FMN2: variants seen among roughly 807,000 people sequenced by gnomAD.
FMN2 encodes the protein formin-2.
FMN2 carries 51 observed loss-of-function variants against 142.3 expected under a neutral mutation model. The ratio of observed to expected loss-of-function variants is 0.36; its 90% CI spans 0.29 to 0.45. The LOEUF is 0.45. Among genes scored for constraint, FMN2 ranks in the 20% least tolerant of loss-of-function variants. The pLI is 1.00. For missense variants in FMN2, 1,936 were observed against 2,122.8 expected, an observed-to-expected ratio of 0.91 and a Z score of 1.73; for synonymous variants, 882 against 869.8, an observed-to-expected ratio of 1.01 and a Z score of -0.25.
intron 1 of FMN2, among the ~76,000 whole-genome samples, chr1:240,112,596 T>C (rs887680651): frequency 6.6e-6 from 1 of 152,214 alleles, no homozygotes; most frequent in African/African-American, 2.4e-5. Context: ...GAGTTATAAA[T>C]TTCTCAGAAA....
intron 15 of FMN2, among the ~76,000 whole-genome samples, chr1:240,398,572 T>C (rs1673869208): frequency 6.6e-6 from 1 of 152,142 alleles, no homozygotes. Context: ...ATAAGAATAA[T>C]GAATCATATG....
At chr1:240,437,210 G>A (rs547790171) in intron 15 of FMN2, among the ~76,000 whole-genome samples, 6 of 151,710 alleles carry the variant, frequency 4.0e-5, no homozygotes, top group Non-Finnish European at 8.8e-5. Context: ...GCAATCTACC[G>A]TCAAAGTCCT....
At chr1:240,302,607 A>G (rs1670236694) in intron 8 of FMN2, among the ~76,000 whole-genome samples, 1 of 152,058 alleles carries the variant, frequency 6.6e-6, no homozygotes, top group African/African-American at 2.4e-5. Flanking sequence ...ACTATTATAT[A>G]CTATATTAAT....
rs778552457 is a variant in FMN2 at position 240,208,089 on chromosome 1, G to A, written c.3277G>A (p.Gly1093Arg). 7 of 807,920 alleles carry A rather than the reference G, an allele frequency of 8.7e-6. No homozygotes were observed. Among genetic ancestry groups the A allele is most frequent in the Admixed American group, 4.5e-5 (2 of 44,826 alleles). 50.0% of individuals were successfully genotyped at this position (807,920 alleles called of 1,614,324 possible). The change falls in exon 5 of 18, where the codon GGA becomes AGA. Residue 1093 changes from glycine to arginine, a missense_variant. Coordinates refer to ENST00000319653, the MANE Select transcript of FMN2 (RefSeq NM_020066.5). Reference protein sequence around the residue: ...AGIPPPPPLPGAGIPPPPPLP... With the variant: ...AGIPPPPPLPRAGIPPPPPLP... ...CATACCCCCACCTCCCCCTCTACCC[G>A]GAGCGGGCATACCCCCTCCGCCCCC...
chr1:240,415,761 A>G (rs1408918103), intron 15 of FMN2, among the ~76,000 whole-genome samples: 1 of 152,202 alleles, frequency 6.6e-6, no homozygotes, highest in South Asian at 2.1e-4. Context: ...CAATGCAGTA[A>G]GTATTTACCG....
chr1:240,411,455 C>T (rs1180088012), intron 15 of FMN2, among the ~76,000 whole-genome samples: 1 of 151,848 alleles, frequency 6.6e-6, no homozygotes, highest in African/African-American at 2.4e-5. Context: ...CCTGTAATCC[C>T]AGCTACTCAG....
chr1:240,162,081 G>A (rs1003119670), intron 2 of FMN2, among the ~76,000 whole-genome samples: 3 of 151,482 alleles, frequency 2.0e-5, no homozygotes, highest in Non-Finnish European at 4.4e-5. Context: ...GCAGTGAACT[G>A]TGATTGTACT....
At chr1:240,105,373 T>C (rs1661569812) in intron 1 of FMN2, among the ~76,000 whole-genome samples, 1 of 152,070 alleles carries the variant, frequency 6.6e-6, no homozygotes, top group Non-Finnish European at 1.5e-5. Flanking sequence ...CCTCCCAGAG[T>C]GTGGGAGTTA....
At chr1:240,112,435 TG>T (rs1399892183) in intron 1 of FMN2, among the ~76,000 whole-genome samples, 2 of 152,090 alleles carry the variant, frequency 1.3e-5, no homozygotes, top group Non-Finnish European at 2.9e-5. Context: ...TGGACAGGCC[TG>T]CATTTTCTAG....
Position 240,452,021 on chromosome 1 carries a change from C to T in FMN2, c.5060+13811C>T, listed in dbSNP as rs562993221. ...CCTGGCTAACACAGTGAAACCCCGT[C>T]TCTACTAAAAATACAAAAAATTAGC... On this transcript the variant is annotated intron_variant, in intron 16 of 17. Transcript: ENST00000319653. Among the ~76,000 whole-genome samples, 7 of 151,964 alleles carry T rather than the reference C, an allele frequency of 4.6e-5. No individual in the cohort carries two copies. The South Asian group carries it at 1.5e-3, about 32-fold the overall frequency.
chr1:240,283,509 T>C (rs1669485220), intron 7 of FMN2, among the ~76,000 whole-genome samples: 1 of 152,224 alleles, frequency 6.6e-6, no homozygotes, highest in African/African-American at 2.4e-5. Context: ...TTACCTATTA[T>C]GACTTTTCCC....
intron 14 of FMN2, among the ~76,000 whole-genome samples, chr1:240,358,886 C>T (rs142179191): frequency 1.1e-3 from 174 of 152,208 alleles, no homozygotes; most frequent in African/African-American, 2.7e-3. Context: ...CCCATAATCC[C>T]GGCACTTTGG....
At chr1:240,310,937 C>CA (rs2102987113) in intron 8 of FMN2, among the ~76,000 whole-genome samples, 1 of 151,454 alleles carries the variant, frequency 6.6e-6, no homozygotes, top group South Asian at 2.1e-4. Flanking sequence ...AACAAATAAA[C>CA]AAAAAATCTT....
Position 240,198,703 on chromosome 1 carries a change from T to C in FMN2, c.1987-8096T>C, listed in dbSNP as rs114977351. On this transcript the variant is annotated intron_variant, in intron 4 of 17. Coordinates refer to ENST00000319653, the MANE Select transcript of FMN2 (RefSeq NM_020066.5). ...TGTATTTTAGTTTTGTGCAAAATTA[T>C]ATCTATATAACACCTCGATCTCTTT... Among the ~76,000 whole-genome samples the C allele has an allele frequency of 7.3e-3, 1,102 of 150,610 alleles. 15 individuals are homozygous for C. Among genetic ancestry groups the C allele is most frequent in the African/African-American group, 0.027 (1,063 of 39,958 alleles).
At chr1:240,367,583 A>G (rs1376537544) in intron 14 of FMN2, among the ~76,000 whole-genome samples, 3 of 151,924 alleles carry the variant, frequency 2.0e-5, no homozygotes, top group Non-Finnish European at 2.9e-5. Flanking sequence ...CCTGGCTAAC[A>G]CGGTGAAACC....
intron 8 of FMN2, among the ~76,000 whole-genome samples, chr1:240,327,381 A>G (rs1671205941): frequency 6.6e-6 from 1 of 152,222 alleles, no homozygotes; most frequent in Non-Finnish European, 1.5e-5. Context: ...CAAAACAATC[A>G]GTAAATACAA....
chr1:240,420,497 G>A (rs1674725970), intron 15 of FMN2, among the ~76,000 whole-genome samples: 1 of 152,150 alleles, frequency 6.6e-6, no homozygotes, highest in Admixed American at 6.5e-5. Context: ...GGTCTTCCAG[G>A]GATGTCTCCT....
At chr1:240,282,382 T>G (rs1400072728) in intron 7 of FMN2, among the ~76,000 whole-genome samples, 1 of 152,194 alleles carries the variant, frequency 6.6e-6, no homozygotes, top group Non-Finnish European at 1.5e-5. Context: ...GACTTCTCAG[T>G]AAACATGTTA....
intron 15 of FMN2, among the ~76,000 whole-genome samples, chr1:240,398,337 A>G (rs751746917): frequency 2.6e-5 from 4 of 152,192 alleles, no homozygotes; most frequent in Admixed American, 2.0e-4. Flanking sequence ...AACAGATATC[A>G]CATATTTAGT....
Sources: allele counts gnomAD v4.1 joint callset (sites outside exome capture counted in the v4.1 genomes callset), GRCh38; gene constraint gnomAD v4.1.1; transcripts MANE v1.5; gene names NCBI Gene and HGNC (gene_info 2026-07-23, HGNC 2026-07-21).